Variants in RNF212B observed in about 807,000 individuals in gnomAD.
The protein encoded by RNF212B is ring finger protein 212B.
Under a neutral mutation model 55.5 loss-of-function variants are expected in RNF212B, and 52 were observed. That is an observed-to-expected ratio of 0.94 (90% CI 0.75 to 1.18). The LOEUF is 1.18. RNF212B is among the 50% of genes most tolerant of loss of function. RNF212B has a pLI of 0.00. For missense variants in RNF212B, 289 were observed against 350.4 expected, an observed-to-expected ratio of 0.82 and a Z score of 1.40; for synonymous variants, 99 against 121.4, an observed-to-expected ratio of 0.82 and a Z score of 1.21.
intron 4 of RNF212B, among the ~76,000 whole-genome samples, chr14:23,257,457 C>T (rs1395203948): frequency 1.3e-5 from 2 of 152,124 alleles, no homozygotes; most frequent in Admixed American, 1.3e-4. Context: ...AGAAAGGAAA[C>T]TCTTAAGTAC....
intron 4 of RNF212B, 183 bp from the exon 5 acceptor site, chr14:23,258,366 A>C: frequency 2.9e-6 from 1 of 341,968 alleles, no homozygotes; most frequent in Non-Finnish European, 5.2e-6. Context: ...AGACAGTAGA[A>C]GGCTAGTGTC....
intron 2 of RNF212B, among the ~76,000 whole-genome samples, chr14:23,194,913 T>C (rs894669402): frequency 6.6e-6 from 1 of 152,136 alleles, no homozygotes; most frequent in African/African-American, 2.4e-5. Flanking sequence ...TTTAAAAACA[T>C]TTCGATTTAC....
intron 4 of RNF212B, among the ~76,000 whole-genome samples, chr14:23,255,623 G>C (rs1165016109): frequency 1.3e-5 from 2 of 152,152 alleles, no homozygotes; most frequent in African/African-American, 2.4e-5. Context: ...GTAAGTTATT[G>C]GGAGGCCAAG....
intron 4 of RNF212B, among the ~76,000 whole-genome samples, chr14:23,254,582 T>C (rs768019320): frequency 1.3e-5 from 2 of 152,132 alleles, no homozygotes; most frequent in Non-Finnish European, 1.5e-5. Context: ...TTGGTAGAGA[T>C]AGCATTTTGC....
intron 4 of RNF212B, among the ~76,000 whole-genome samples, chr14:23,246,828 T>C (rs551995904): frequency 1.1e-4 from 16 of 152,140 alleles, no homozygotes; most frequent in Non-Finnish European, 1.6e-4. Context: ...ATCATATAAG[T>C]GAAAAGAAGT....
intron 2 of RNF212B, among the ~76,000 whole-genome samples, chr14:23,220,822 CA>C (rs201824962): frequency 2.0e-5 from 3 of 150,146 alleles, no homozygotes; most frequent in Admixed American, 6.6e-5. Flanking sequence ...AAGACTCCAT[CA>C]AAAAAAACAA....
chr14:23,272,056 T>C (rs1281223536), intron 14 of RNF212B, among the ~76,000 whole-genome samples: 1 of 152,198 alleles, frequency 6.6e-6, no homozygotes, highest in East Asian at 1.9e-4. Flanking sequence ...AAATAAAAGA[T>C]TGGCCATTAA....
intron 1 of RNF212B, among the ~76,000 whole-genome samples, 50 bp downstream of exon 1, chr14:23,238,105 C>T (rs1390177317): frequency 1.3e-5 from 2 of 152,152 alleles, no homozygotes; most frequent in African/African-American, 4.8e-5. Flanking sequence ...ACGGCTGAGG[C>T]CCCATCGCCT....
chr14:23,209,296 C>G (rs1182604107), intron 2 of RNF212B, among the ~76,000 whole-genome samples: 1 of 150,120 alleles, frequency 6.7e-6, no homozygotes, highest in Non-Finnish European at 1.5e-5. Flanking sequence ...CCAGCAAGGT[C>G]TTTATGACCT....
intron 10 of RNF212B, 70 bp downstream of exon 10, chr14:23,264,304 G>T (rs1329032625): frequency 1.6e-6 from 2 of 1,275,238 alleles, no homozygotes; most frequent in African/African-American, 3.0e-5. Context: ...GGTTTATCAA[G>T]AACTTAAATT....
At chr14:23,230,126 C>G (rs145941417) in intron 2 of RNF212B, 1 of 172,120 alleles carries the variant, frequency 5.8e-6, no homozygotes, top group Non-Finnish European at 1.3e-5. Flanking sequence ...TGATGAGAAG[C>G]GGAGTCGAAT....
intron 2 of RNF212B, among the ~76,000 whole-genome samples, chr14:23,225,416 C>T (rs753671292): frequency 6.6e-6 from 1 of 152,184 alleles, no homozygotes; most frequent in Non-Finnish European, 1.5e-5. Context: ...AAGTGTCCAT[C>T]AACAGATGAA....
At chr14:23,250,709 A>G (rs1362457437) in intron 4 of RNF212B, among the ~76,000 whole-genome samples, 1 of 152,174 alleles carries the variant, frequency 6.6e-6, no homozygotes, top group Admixed American at 6.5e-5. Context: ...TGCGCCTCAG[A>G]AGGTTCAGAC....
chr14:23,269,932 C>G lies in RNF212B; in HGVS notation c.744C>G (p.His248Gln). 1 of 1,547,746 alleles carries G rather than the reference C, an allele frequency of 6.5e-7. No homozygotes were observed. The highest frequency in any genetic ancestry group is 8.7e-7 in the Non-Finnish European group (1 of 1,144,446). The change falls in exon 13 of 15, where the codon CAC (histidine) becomes CAG (glutamine). Residue 248 changes from histidine (H) to glutamine (Q), a missense_variant. His to Gln is a conservative substitution (Grantham distance 24, BLOSUM62 0). Coordinates refer to ENST00000430154, the MANE Select transcript of RNF212B (RefSeq NM_001282322.3). ...CATCCCCAAATGGGCATTCAGGCCA[C>G]ACAAGAGTCCTCACCCCCAACAATT... Reference protein sequence around the residue: ...FRPSPNGHSGHTRVLTPNNFA... With the variant: ...FRPSPNGHSGQTRVLTPNNFA...
intron 7 of RNF212B, among the ~76,000 whole-genome samples, chr14:23,262,092 A>G (rs1365344608): frequency 6.6e-6 from 1 of 152,192 alleles, no homozygotes; most frequent in Non-Finnish European, 1.5e-5. Context: ...CATTCATAGA[A>G]GTTACAGTCT....
chr14:23,242,927 C>T (rs1948746419), intron 2 of RNF212B, among the ~76,000 whole-genome samples: 1 of 151,558 alleles, frequency 6.6e-6, no homozygotes, highest in East Asian at 1.9e-4. Context: ...TGCAGTGAGC[C>T]ATAATTGTGC....
rs371325887 is a variant in RNF212B, at chr14:23,254,287, AAAAAC to A, written c.229-4232_229-4228del. Among the ~76,000 whole-genome samples the A allele has an allele frequency of 1.0e-3, 82 of 82,276 alleles. 1 individual carries two copies. Among genetic ancestry groups the A allele is most frequent in the South Asian group, 2.6e-3 (7 of 2,724 alleles). 54.0% of individuals were successfully genotyped at this position (82,276 alleles called of 152,430 possible). On this transcript the variant is annotated intron_variant, in intron 4 of 14. Coordinates refer to ENST00000430154, the MANE Select transcript of RNF212B (RefSeq NM_001282322.3). ...GTGACAGAGCAATACTCTTTATCTC[AAAAAC>A]AAAACAAAACAAAACAAAACAAAAC...
In RNF212B at chr14:23,241,714, T is replaced by TTTTTG. The variant is rs577575744; in HGVS notation, c.100+1284_100+1288dup. 9.9e-5 allele frequency among the ~76,000 whole-genome samples: 15 copies of TTTTTG among 151,976 alleles called. No homozygotes were observed. In the South Asian group the frequency reaches 2.9e-3, roughly 30 times the overall value. ...GCTGGGATTACAGGTGTAAGCCATT[T>TTTTTG]TTTTGTTTTGTTTTGTTTTAAGAGA... On this transcript the variant is annotated intron_variant, in intron 2 of 14. Transcript: ENST00000430154.
chr14:23,236,150 A>G (rs1883073722), upstream of RNF212B, among the ~76,000 whole-genome samples: 1 of 152,248 alleles, frequency 6.6e-6, no homozygotes, highest in Admixed American at 6.5e-5. Context: ...GATTACAAAA[A>G]TGTAAAAACG....
Sources: gnomAD v4.1 joint callset for allele counts (sites outside exome capture counted in the v4.1 genomes callset) on GRCh38, gnomAD v4.1.1 for gene constraint, MANE v1.5 for transcripts, NCBI Gene and HGNC (gene_info 2026-07-23, HGNC 2026-07-21) for gene names.